Variants in TTLL11 observed in about 807,000 individuals in gnomAD.
The protein encoded by TTLL11 is tubulin polyglutamylase TTLL11.
In TTLL11, 42 loss-of-function variants were observed where a neutral mutation model predicts 51.7. That is an observed-to-expected ratio of 0.81 (90% CI 0.64 to 1.05). TTLL11 has a LOEUF of 1.05. Ranked by LOEUF, TTLL11 falls within the 50% of genes least tolerant of loss-of-function variation. The pLI is 0.00. For synonymous variants in TTLL11, 381 were observed against 383.5 expected (o/e 0.99, Z 0.08); for missense variants, 799 against 940.4 (o/e 0.85, Z 1.97).
intron 7 of TTLL11, among the ~76,000 whole-genome samples, chr9:121,866,523 G>T (rs1838179360): frequency 6.6e-6 from 1 of 151,998 alleles, no homozygotes; most frequent in African/African-American, 2.4e-5. Flanking sequence ...AGCCGGGCAT[G>T]GTGGTGGGCG....
chr9:121,850,652 T>C (rs988789696), intron 8 of TTLL11, among the ~76,000 whole-genome samples: 1 of 152,170 alleles, frequency 6.6e-6, no homozygotes, highest in Admixed American at 6.5e-5. Context: ...GATTGGATGG[T>C]GCCCACTCAC....
Position 121,989,483 on chromosome 9 carries a change from A to C in TTLL11, c.981T>G (p.Tyr327Ter). The C allele has an allele frequency of 6.2e-7, 1 of 1,614,128 alleles. No homozygotes were observed. The highest frequency in any genetic ancestry group is 1.6e-4 in the Middle Eastern group (1 of 6,062). ...DGLSRFCTEP[Y>*]QEPTPKNLHR... Reference sequence around the variant, plus strand: ...GCAGGTTTTTGGGGGTGGGCTCCTGATATGGCTCGGTACAAAACCTAGAGA... The same window carrying C: ...GCAGGTTTTTGGGGGTGGGCTCCTGCTATGGCTCGGTACAAAACCTAGAGA... Residue 327 changes from tyrosine to a stop codon, truncating the protein, a stop_gained, in exon 4 of 9, where the codon TAT (tyrosine) becomes TAG (stop). Coordinates refer to ENST00000321582, the MANE Select transcript of TTLL11 (RefSeq NM_001139442.2). LOFTEE classifies it high-confidence loss of function. The surrounding 1 kb of genome is among the most constrained non-coding windows in gnomAD (Gnocchi z 4.2).
At chr9:121,881,060 CAACAGCAAGAGACTGTCTATATG>C (rs1305915032) in intron 6 of TTLL11, among the ~76,000 whole-genome samples, 1 of 152,236 alleles carries the variant, frequency 6.6e-6, no homozygotes, top group Non-Finnish European at 1.5e-5. Context: ...TTCCTAATGG[CAACAGCAAGAGACTGTCTATATG>C]ACAACTGTAA....
intron 8 of TTLL11, among the ~76,000 whole-genome samples, chr9:121,857,209 T>C (rs1329470672): frequency 6.6e-6 from 1 of 152,222 alleles, no homozygotes; most frequent in Admixed American, 6.5e-5. Context: ...GCACCCTCTC[T>C]GCTCCAGTTC....
At chr9:122,085,583 G>A (rs1192313070) in intron 1 of TTLL11, among the ~76,000 whole-genome samples, 1 of 152,034 alleles carries the variant, frequency 6.6e-6, no homozygotes, top group Non-Finnish European at 1.5e-5. Flanking sequence ...CACCTGCTCT[G>A]ACTAACCAAT....
chr9:121,933,301 G>A (rs772775290), intron 6 of TTLL11, among the ~76,000 whole-genome samples: 9 of 152,310 alleles, frequency 5.9e-5, no homozygotes, highest in African/African-American at 2.2e-4. Context: ...CGGTAAGAGC[G>A]AGGAGAGGTG....
chr9:122,090,321 G>A (rs1846226562), intron 1 of TTLL11, among the ~76,000 whole-genome samples: 1 of 151,990 alleles, frequency 6.6e-6, no homozygotes, highest in Admixed American at 6.6e-5. Context: ...GGCTCACATA[G>A]CCTTCCTCCC....
chr9:121,895,263 GTGTC>G (rs1272808931), intron 6 of TTLL11, among the ~76,000 whole-genome samples: 2 of 152,080 alleles, frequency 1.3e-5, no homozygotes, highest in African/African-American at 2.4e-5. Flanking sequence ...TTGTGTGTGT[GTGTC>G]TGTGTGAGCT....
At chr9:121,842,765 A>G (rs1837397467) in intron 8 of TTLL11, among the ~76,000 whole-genome samples, 1 of 152,234 alleles carries the variant, frequency 6.6e-6, no homozygotes, top group Non-Finnish European at 1.5e-5. Context: ...TAAATGAGTA[A>G]GCCCAGATTT....
intron 6 of TTLL11, among the ~76,000 whole-genome samples, chr9:121,972,304 G>T (rs987803198): frequency 6.6e-6 from 1 of 152,182 alleles, no homozygotes; most frequent in Non-Finnish European, 1.5e-5. Context: ...GATTTTTGAG[G>T]AATGAGTTTT....
intron 8 of TTLL11, among the ~76,000 whole-genome samples, chr9:121,835,479 A>G (rs1837157820): frequency 6.6e-6 from 1 of 152,226 alleles, no homozygotes; most frequent in Non-Finnish European, 1.5e-5. Context: ...CAGCTCAGGA[A>G]CAGAAGTTGC....
chr9:121,952,444 CAAA>C (rs67882979), intron 6 of TTLL11, among the ~76,000 whole-genome samples: 12,996 of 121,916 alleles, frequency 0.11, 803 homozygotes, highest in Non-Finnish European at 0.14. Flanking sequence ...GACTCCGCCT[CAAA>C]AAAAAAAAAA....
intron 1 of TTLL11, among the ~76,000 whole-genome samples, chr9:122,091,072 A>G (rs1173912895): frequency 6.6e-6 from 1 of 152,174 alleles, no homozygotes; most frequent in Non-Finnish European, 1.5e-5. Flanking sequence ...CAAAGTGGAC[A>G]TTTACGGAAT....
intron 4 of TTLL11, among the ~76,000 whole-genome samples, chr9:121,980,418 C>T (rs1360840860): frequency 6.6e-6 from 1 of 152,176 alleles, no homozygotes; most frequent in Non-Finnish European, 1.5e-5. Flanking sequence ...ACTTTGTGAA[C>T]TGTAGGAAAA....
At chr9:121,965,984 G>A (rs1020926784) in intron 6 of TTLL11, among the ~76,000 whole-genome samples, 9 of 152,172 alleles carry the variant, frequency 5.9e-5, no homozygotes, top group African/African-American at 1.4e-4. Flanking sequence ...AGAATCTACC[G>A]GATTTGGGGA....
intron 4 of TTLL11, among the ~76,000 whole-genome samples, chr9:121,982,214 C>G (rs781296705): frequency 2.6e-5 from 4 of 152,226 alleles, no homozygotes; most frequent in Non-Finnish European, 5.9e-5. Context: ...CCATAAGACT[C>G]ACCTTGTTTT....
intron 8 of TTLL11, among the ~76,000 whole-genome samples, chr9:121,852,662 C>T (rs1388997606): frequency 2.0e-5 from 3 of 152,198 alleles, no homozygotes; most frequent in African/African-American, 7.2e-5. Context: ...GCGGGTGTGA[C>T]TCCACCTAGT....
intron 6 of TTLL11, among the ~76,000 whole-genome samples, chr9:121,948,788 C>T (rs945983333): frequency 3.9e-5 from 6 of 152,150 alleles, no homozygotes; most frequent in African/African-American, 9.7e-5. Context: ...GAATGGGTGA[C>T]ATTGCATGGC....
At chr9:121,979,976 A>G (rs919899081) in intron 4 of TTLL11, among the ~76,000 whole-genome samples, 1 of 150,998 alleles carries the variant, frequency 6.6e-6, no homozygotes, top group African/African-American at 2.4e-5. Flanking sequence ...TGAATTATTT[A>G]CTGGGCACTA....
Sources: allele counts gnomAD v4.1 joint callset (sites outside exome capture counted in the v4.1 genomes callset), GRCh38; gene constraint gnomAD v4.1.1; non-coding constraint Gnocchi (gnomAD v3.1); transcripts MANE v1.5; gene names NCBI Gene and HGNC (gene_info 2026-07-23, HGNC 2026-07-21).